The following CABP1 variants were observed in gnomAD, a reference collection of about 807,000 sequenced individuals.
The protein encoded by CABP1 is calcium-binding protein 1.
In CABP1, 17 loss-of-function variants were observed where a neutral mutation model predicts 34.3. That is an observed-to-expected ratio of 0.50 (90% CI 0.34 to 0.74). The LOEUF is 0.74. Ranked by LOEUF, CABP1 falls within the 30% of genes least tolerant of loss-of-function variation. CABP1 has a pLI of 0.01. For missense variants in CABP1, 373 were observed against 511.1 expected (o/e 0.73, Z 2.61); for synonymous variants, 198 against 229.2 (o/e 0.86, Z 1.23).
At chr12:120,645,889 G>T (rs535608212) in intron 1 of CABP1, among the ~76,000 whole-genome samples, 66 of 152,256 alleles carry the variant, frequency 4.3e-4, no homozygotes, top group African/African-American at 1.3e-3. Flanking sequence ...AGGTCATATA[G>T]TAAGTACATG....
Position 120,660,081 on chromosome 12 carries a change from C to T in CABP1, c.686-115C>T, listed in dbSNP as rs747140604. 4.2e-6 allele frequency: 6 copies of T among 1,420,956 alleles called. No individual in the cohort carries two copies. The highest frequency in any genetic ancestry group is 5.8e-6 in the Non-Finnish European group (6 of 1,030,662). 88.0% of individuals were successfully genotyped at this position (1,420,956 alleles called of 1,614,324 possible). On this transcript the variant is annotated intron_variant, in intron 2 of 5. Transcript: ENST00000316803. This position sits in a 1 kb window ranked among gnomAD's most constrained non-coding sequence, Gnocchi z 5.0. Reference sequence around the variant, plus strand: ...GGAGGCAAGAGAAATGCCCCAGCATCCTGGGAAGCTCCTGGGCCTCTCTTT... The same window carrying T: ...GGAGGCAAGAGAAATGCCCCAGCATTCTGGGAAGCTCCTGGGCCTCTCTTT...
chr12:120,650,492 A>G, intron 1 of CABP1: 3 of 1,527,378 alleles, frequency 2.0e-6, no homozygotes, highest in East Asian at 2.3e-5. Flanking sequence ...CACGCGCGCA[A>G]GAGAGGGCTC....
rs1880532158 is a variant in CABP1, at chr12:120,660,101, C to G, written c.686-95C>G. 6.6e-7 allele frequency: 1 copy of G among 1,518,346 alleles called. No individual in the cohort carries two copies. The allele number at this position is 1,518,346 out of a possible 1,614,324, so 94.1% of individuals were successfully genotyped here. A position where few individuals can be genotyped will look rare whatever the true frequency, so the allele number is the denominator to read the frequency against. ...AGCATCCTGGGAAGCTCCTGGGCCT[C>G]TCTTTCCATGCCGGTGGGCCTTTGG... On this transcript the variant is annotated intron_variant, in intron 2 of 5. Coordinates refer to ENST00000316803, the MANE Select transcript of CABP1 (RefSeq NM_001033677.2). This position sits in a 1 kb window ranked among gnomAD's most constrained non-coding sequence, Gnocchi z 5.0.
the CABP1 span, among the ~76,000 whole-genome samples, chr12:120,680,246 T>G: frequency 6.6e-6 from 1 of 152,118 alleles, no homozygotes; most frequent in Non-Finnish European, 1.5e-5. Context: ...CAGAGAAAAA[T>G]AACTGCTGCC....
At chr12:120,652,132 C>A (rs73222786) in intron 1 of CABP1, among the ~76,000 whole-genome samples, 5,493 of 152,306 alleles carry the variant, frequency 0.036, 151 homozygotes, top group South Asian at 0.11. Context: ...TAATATCCAC[C>A]TCTTAAGGTG....
In CABP1 at chr12:120,641,404, G is replaced by C; in HGVS notation, c.654+65G>C. On this transcript the variant is annotated intron_variant, in intron 1 of 5. Coordinates refer to ENST00000316803, the MANE Select transcript of CABP1 (RefSeq NM_001033677.2). The surrounding 1 kb of genome is among the most constrained non-coding windows in gnomAD (Gnocchi z 6.7). The stretch of plus-strand genomic sequence containing the variant: ...GCTCGGGACCCTGCCGGCCGCGGTT[G>C]CGCGTCCACAGCCTCCTCCCGCGGC... The C allele has an allele frequency of 8.1e-7, 1 of 1,240,404 alleles. No individual in the cohort carries two copies. The highest frequency in any genetic ancestry group is 2.9e-4 in the Middle Eastern group (1 of 3,410). 76.8% of individuals were successfully genotyped at this position (1,240,404 alleles called of 1,614,324 possible). A position where few individuals can be genotyped will look rare whatever the true frequency, so the allele number is the denominator to read the frequency against.
chr12:120,668,347 C>T (rs1566004914), downstream of CABP1, among the ~76,000 whole-genome samples: 2 of 152,118 alleles, frequency 1.3e-5, no homozygotes, highest in East Asian at 1.9e-4. Flanking sequence ...AAAAATTAGC[C>T]GGGCGTGGTG....
rs1879353207 is a variant in CABP1 at position 120,641,942 on chromosome 12, G to A, written c.654+603G>A. ...TGGCTCAAACTGGAACTTTGGGGTG[G>A]TTTAAGGAGGCTGTCACTCTAGGGA... On this transcript the variant is annotated intron_variant, in intron 1 of 5. Transcript: ENST00000316803. The surrounding 1 kb of genome is among the most constrained non-coding windows in gnomAD (Gnocchi z 6.7). Among the ~76,000 whole-genome samples the A allele has an allele frequency of 6.6e-6, 1 of 152,186 alleles. No homozygotes were observed. The highest frequency in any genetic ancestry group is 2.4e-5 in the African/African-American group (1 of 41,426).
the CABP1 span, among the ~76,000 whole-genome samples, chr12:120,679,466 T>C: frequency 1.3e-5 from 2 of 152,164 alleles, no homozygotes; most frequent in African/African-American, 2.4e-5. Flanking sequence ...TAGGAACCAA[T>C]GATTATTGAG....
Position 120,660,052 on chromosome 12 carries a change from C to A in CABP1, c.685+144C>A. ...TGTGAAACCAGCTGCTGAAGGTGTG[C>A]ACAGGAGGCAAGAGAAATGCCCCAG... On this transcript the variant is annotated intron_variant, in intron 2 of 5. Coordinates refer to ENST00000316803, the MANE Select transcript of CABP1 (RefSeq NM_001033677.2). This position sits in a 1 kb window ranked among gnomAD's most constrained non-coding sequence, Gnocchi z 5.0. 3.1e-6 allele frequency: 4 copies of A among 1,296,004 alleles called. No individual in the cohort carries two copies. Among genetic ancestry groups the A allele is most frequent in the South Asian group, 1.3e-5 (1 of 74,296 alleles). The allele number at this position is 1,296,004 out of a possible 1,614,324, so 80.3% of individuals were successfully genotyped here.
chr12:120,664,362 GC>G (rs1286877970), intron 5 of CABP1, among the ~76,000 whole-genome samples: 5 of 152,144 alleles, frequency 3.3e-5, no homozygotes, highest in Non-Finnish European at 7.3e-5. Flanking sequence ...AATAATTAGA[GC>G]CCCCCAAAAT....
intron 1 of CABP1, among the ~76,000 whole-genome samples, chr12:120,647,291 T>A (rs1000301700): frequency 6.6e-6 from 1 of 151,842 alleles, no homozygotes; most frequent in Non-Finnish European, 1.5e-5. Flanking sequence ...CTGTGGGAGG[T>A]GCTATTAGAA....
At chr12:120,653,829 G>A (rs1291396342) in intron 1 of CABP1, among the ~76,000 whole-genome samples, 2 of 152,206 alleles carry the variant, frequency 1.3e-5, no homozygotes, top group South Asian at 2.1e-4. Context: ...CACCACGCCC[G>A]GCCCGCCTCT....
intron 1 of CABP1, among the ~76,000 whole-genome samples, chr12:120,649,934 C>T (rs1199488912): frequency 6.6e-6 from 1 of 152,166 alleles, no homozygotes; most frequent in Non-Finnish European, 1.5e-5. Flanking sequence ...AGTGCTTGTC[C>T]AGCTCACTGC....
the CABP1 span, among the ~76,000 whole-genome samples, chr12:120,675,420 A>G: frequency 6.6e-6 from 1 of 152,218 alleles, no homozygotes; most frequent in Non-Finnish European, 1.5e-5. Context: ...TAACCCTTGC[A>G]TAATGCTTAG....
chr12:120,666,203 T>TTA (rs1201785497), intron 5 of CABP1, among the ~76,000 whole-genome samples: 3,915 of 107,014 alleles, frequency 0.037, 82 homozygotes, highest in Non-Finnish European at 0.053. Flanking sequence ...GTCTCTACAT[T>TTA]AAAAAAAAAA....
chr12:120,650,622 G>A, intron 1 of CABP1: 1 of 1,613,884 alleles, frequency 6.2e-7, no homozygotes, highest in South Asian at 1.1e-5. Context: ...CCCAAGAGGG[G>A]CTGCCTCAAC....
chr12:120,662,758 C>T (rs1365104001), intron 5 of CABP1, among the ~76,000 whole-genome samples: 8 of 150,066 alleles, frequency 5.3e-5, no homozygotes, highest in Admixed American at 4.7e-4. Context: ...GATCTCAGCT[C>T]ACTGCAACCT....
intron 1 of CABP1, chr12:120,650,755 C>A: frequency 6.7e-7 from 1 of 1,496,120 alleles, no homozygotes; most frequent in Non-Finnish European, 9.3e-7. Flanking sequence ...AGAGGTTGGG[C>A]ACAGAAAGGG....
Sources: gnomAD v4.1 joint callset for allele counts (sites outside exome capture counted in the v4.1 genomes callset) on GRCh38, gnomAD v4.1.1 for gene constraint, Gnocchi (gnomAD v3.1) non-coding constraint, MANE v1.5 for transcripts, NCBI Gene and HGNC (gene_info 2026-07-23, HGNC 2026-07-21) for gene names.